Variants in CD302 observed in about 807,000 individuals in gnomAD.
CD302 encodes the protein CD302 antigen.
Under a neutral mutation model 26.5 loss-of-function variants are expected in CD302, and 23 were observed. The observed-to-expected ratio is 0.87, with a 90% confidence interval of 0.62 to 1.23. The LOEUF (loss-of-function observed/expected upper bound fraction) is 1.23, where lower values mean the gene tolerates loss of function less well. Ranked by LOEUF, CD302 falls within the 50% of genes most tolerant of loss-of-function variation. CD302 has a pLI of 0.00. For missense variants in CD302, 290 were observed against 275.5 expected, an observed-to-expected ratio of 1.05 and a Z score of -0.37; for synonymous variants, 90 against 99.4, an observed-to-expected ratio of 0.91 and a Z score of 0.56.
chr2:159,787,870 C>T (rs1212988748), intron 1 of CD302, among the ~76,000 whole-genome samples: 2 of 152,090 alleles, frequency 1.3e-5, no homozygotes, highest in East Asian at 1.9e-4. Flanking sequence ...ATCCCAGCAC[C>T]GAGGTGGGTG....
chr2:159,774,640 T>A (rs1708256988), intron 5 of CD302, among the ~76,000 whole-genome samples: 1 of 152,138 alleles, frequency 6.6e-6, no homozygotes, highest in Non-Finnish European at 1.5e-5. Context: ...CTGTCCTCTG[T>A]CTCCTGCCTG....
chr2:159,772,097 A>G (rs192880661), intron 5 of CD302, 44 bp from the exon 6 acceptor site: 3 of 1,586,844 alleles, frequency 1.9e-6, no homozygotes, highest in African/African-American at 2.7e-5. Context: ...ATTAGGGTAC[A>G]CAAGTTGCAA....
chr2:159,779,304 A>C (rs1178705927), intron 4 of CD302, among the ~76,000 whole-genome samples: 1 of 151,342 alleles, frequency 6.6e-6, no homozygotes, highest in Non-Finnish European at 1.5e-5. Context: ...ATAAATTATA[A>C]ACTATGATGT....
At chr2:159,795,323 T>A (rs1355867868) in intron 1 of CD302, among the ~76,000 whole-genome samples, 1 of 152,144 alleles carries the variant, frequency 6.6e-6, no homozygotes, top group African/African-American at 2.4e-5. Flanking sequence ...AGAGGTAATA[T>A]AATTTGAAAA....
intron 1 of CD302, among the ~76,000 whole-genome samples, chr2:159,794,305 T>TAAAATAAAAA (rs1553795853): frequency 1.8e-5 from 2 of 108,398 alleles, no homozygotes; most frequent in Non-Finnish European, 3.7e-5. Flanking sequence ...AATAAAATAA[T>TAAAATAAAAA]AAAAAAAAAA....
intron 5 of CD302, among the ~76,000 whole-genome samples, chr2:159,773,340 A>T (rs772753630): frequency 2.4e-4 from 37 of 152,224 alleles, no homozygotes; most frequent in Non-Finnish European, 5.0e-4. Context: ...TAGAATTAAC[A>T]TAGTCCATTT....
At chr2:159,773,360 A>C (rs1419026584) in intron 5 of CD302, among the ~76,000 whole-genome samples, 1 of 152,216 alleles carries the variant, frequency 6.6e-6, no homozygotes, top group Non-Finnish European at 1.5e-5. Context: ...TTCAGTGTAG[A>C]ACCTCAACTT....
chr2:159,782,163 G>T (rs1708532091), intron 2 of CD302, among the ~76,000 whole-genome samples: 1 of 152,006 alleles, frequency 6.6e-6, no homozygotes, highest in South Asian at 2.1e-4. Flanking sequence ...AGCTACTCGG[G>T]AGGCTGAGGC....
chr2:159,792,066 C>T (rs1708821286), intron 1 of CD302, among the ~76,000 whole-genome samples: 1 of 152,160 alleles, frequency 6.6e-6, no homozygotes, highest in Non-Finnish European at 1.5e-5. Context: ...GTGATTCTGG[C>T]TTGGGGTCTC....
intron 5 of CD302, among the ~76,000 whole-genome samples, chr2:159,777,264 A>C (rs1383973660): frequency 6.6e-6 from 1 of 152,186 alleles, no homozygotes; most frequent in Non-Finnish European, 1.5e-5. Context: ...ACAAATAAAT[A>C]ATCATCTGAA....
intron 1 of CD302, among the ~76,000 whole-genome samples, chr2:159,787,512 TATA>T (rs1403729312): frequency 3.9e-5 from 6 of 152,138 alleles, no homozygotes; most frequent in South Asian, 2.1e-4. Flanking sequence ...CCCTGAAAAT[TATA>T]ATATGTGACC....
chr2:159,778,263 T>C (rs573378386), intron 4 of CD302, among the ~76,000 whole-genome samples: 1 of 152,216 alleles, frequency 6.6e-6, no homozygotes, highest in South Asian at 2.1e-4. Flanking sequence ...AGGATTCTGG[T>C]TGGAGAGTCT....
chr2:159,777,881 A>C, intron 5 of CD302, 57 bp downstream of exon 5: 1 of 876,840 alleles, frequency 1.1e-6, no homozygotes, highest in Non-Finnish European at 1.7e-6. Context: ...TTAATATGCC[A>C]GAATTTTGAT....
At chr2:159,790,227 A>C (rs933732537) in intron 1 of CD302, among the ~76,000 whole-genome samples, 5 of 152,224 alleles carry the variant, frequency 3.3e-5, no homozygotes, top group African/African-American at 1.2e-4. Flanking sequence ...AGACAAACAG[A>C]TATTCCGAAG....
At chr2:159,790,748 T>C (rs1479844100) in intron 1 of CD302, among the ~76,000 whole-genome samples, 1 of 152,230 alleles carries the variant, frequency 6.6e-6, no homozygotes, top group Non-Finnish European at 1.5e-5. Flanking sequence ...TTATAAATCA[T>C]TGGCAATTAT....
At position 159,777,863 on chromosome 2, in the gene CD302, A is replaced by C. The variant is rs1027074962; in HGVS notation, c.496+75T>G. On this transcript the variant is annotated intron_variant, in intron 5 of 5. Coordinates refer to ENST00000259053, the MANE Select transcript of CD302 (RefSeq NM_014880.5). ...TACATAATTTTAAAAAGGGATCTGTAATGTATTTTAATATGCCAGAATTTT... is the reference window on the plus strand; with the variant it reads ...TACATAATTTTAAAAAGGGATCTGTCATGTATTTTAATATGCCAGAATTTT... 9.7e-6 allele frequency: 7 copies of C among 724,250 alleles called. 1 individual carries two copies. The South Asian group carries it at 1.2e-4, about 12-fold the overall frequency. 44.9% of individuals were successfully genotyped at this position (724,250 alleles called of 1,614,324 possible). A position where few individuals can be genotyped will look rare whatever the true frequency, so the allele number is the denominator to read the frequency against.
chr2:159,791,711 G>A (rs1267171300), intron 1 of CD302, among the ~76,000 whole-genome samples: 1 of 152,142 alleles, frequency 6.6e-6, no homozygotes, highest in Non-Finnish European at 1.5e-5. Flanking sequence ...AGAAAAGTCT[G>A]GCTCTGACTA....
Position 159,780,952 on chromosome 2 carries a change from T to C in CD302, c.225A>G (p.Ile75Met), listed in dbSNP as rs149105310. 2 of 1,613,508 alleles carry C rather than the reference T, an allele frequency of 1.2e-6. No individual in the cohort carries two copies. Among genetic ancestry groups the C allele is most frequent in the Non-Finnish European group, 1.7e-6 (2 of 1,179,974 alleles). Residue 75 changes from isoleucine to methionine, a missense_variant, in exon 3 of 6, where the codon ATA (isoleucine) becomes ATG (methionine). Physicochemically the swap from Ile to Met is conservative, Grantham distance 10. Coordinates refer to ENST00000259053, the MANE Select transcript of CD302 (RefSeq NM_014880.5). ...TCCATTGCTTTTTCAAAGTATCCAGTATAAAAGCATTTTCTTCTTCATTAT... is the reference window on the plus strand; with the variant it reads ...TCCATTGCTTTTTCAAAGTATCCAGCATAAAAGCATTTTCTTCTTCATTAT... The part of the protein sequence containing the change: ...SIHNEEENAF[I>M]LDTLKKQWKG...
chr2:159,797,402 T>A (rs933604563), intron 1 of CD302, among the ~76,000 whole-genome samples: 1 of 152,178 alleles, frequency 6.6e-6, no homozygotes, highest in African/African-American at 2.4e-5. Flanking sequence ...GACATGCTTG[T>A]ATGGAAATTT....
Sources: allele counts gnomAD v4.1 joint callset (sites outside exome capture counted in the v4.1 genomes callset), GRCh38; gene constraint gnomAD v4.1.1; transcripts MANE v1.5; gene names NCBI Gene and HGNC (gene_info 2026-07-23, HGNC 2026-07-21).